Variants in CADPS2 observed in about 807,000 individuals in gnomAD.
CADPS2 encodes the protein calcium dependent secretion activator 2, also known as calcium-dependent secretion activator 2.
In CADPS2, 93 loss-of-function variants were observed where a neutral mutation model predicts 172.5. That is an observed-to-expected ratio of 0.54 (90% confidence interval 0.46 to 0.64). The LOEUF (loss-of-function observed/expected upper bound fraction) is 0.64. Ranked by LOEUF, CADPS2 falls within the 30% of genes least tolerant of loss-of-function variation. The pLI is 0.00. For synonymous variants in CADPS2, 546 were observed against 555.2 expected (o/e 0.98, Z 0.23); for missense variants, 1,420 against 1,565.9 (o/e 0.91, Z 1.57).
intron 25 of CADPS2, among the ~76,000 whole-genome samples, chr7:122,377,646 A>G (rs2042514355): frequency 6.6e-6 from 1 of 152,090 alleles, no homozygotes; most frequent in Non-Finnish European, 1.5e-5. Flanking sequence ...TGGTGATGCA[A>G]GCTGCTGTGC....
At chr7:122,572,261 T>C (rs1320377764) in intron 7 of CADPS2, among the ~76,000 whole-genome samples, 2 of 152,132 alleles carry the variant, frequency 1.3e-5, no homozygotes, top group Non-Finnish European at 2.9e-5. Context: ...TATAGGAGAC[T>C]TTTATATTTG....
At chr7:122,786,225 A>T (rs1373441532) in intron 1 of CADPS2, among the ~76,000 whole-genome samples, 1 of 152,196 alleles carries the variant, frequency 6.6e-6, no homozygotes, top group Non-Finnish European at 1.5e-5. Context: ...GCAAATTAGC[A>T]TCATCGGGAA....
intron 14 of CADPS2, among the ~76,000 whole-genome samples, chr7:122,470,435 T>C (rs970701186): frequency 1.2e-4 from 18 of 152,084 alleles, no homozygotes; most frequent in African/African-American, 4.1e-4. Flanking sequence ...ATTCATCAAA[T>C]ATGTATTGAG....
At chr7:122,356,484 T>G (rs894997748) in intron 27 of CADPS2, among the ~76,000 whole-genome samples, 2 of 152,168 alleles carry the variant, frequency 1.3e-5, no homozygotes, top group African/African-American at 4.8e-5. Context: ...CATTGGAAGT[T>G]TATTCTCCCC....
At chr7:122,401,373 G>A (rs534662421) in intron 20 of CADPS2, among the ~76,000 whole-genome samples, 82 of 152,284 alleles carry the variant, frequency 5.4e-4, no homozygotes, top group African/African-American at 1.8e-3. Context: ...CCAATAGAAT[G>A]GTCATTTGCC....
intron 6 of CADPS2, among the ~76,000 whole-genome samples, chr7:122,614,318 C>T (rs1231497552): frequency 2.6e-5 from 4 of 152,082 alleles, no homozygotes; most frequent in African/African-American, 4.8e-5. Context: ...ACACATAACC[C>T]TCTGTATCTC....
chr7:122,886,210 T>C lies in CADPS2; in HGVS notation c.128A>G (p.Asp43Gly), dbSNP rs1358011363. ...PPAPTREGRRDAPGRAGGGGA... is the reference protein window; with the variant it reads ...PPAPTREGRRGAPGRAGGGGA... ...GCCGCCGCCCGCGCGCCCCGGCGCG[T>C]CCCGCCGCCCTTCCCGAGTCGGGGC... The change falls in exon 1 of 30, where the codon GAC becomes GGC. Residue 43 changes from aspartate to glycine, a missense_variant. Asp to Gly is a moderately conservative substitution (Grantham distance 94). Coordinates refer to ENST00000449022, the MANE Select transcript of CADPS2 (RefSeq NM_017954.11). 3.4e-6 allele frequency: 5 copies of C among 1,471,688 alleles called. No individual in the cohort carries two copies. Among genetic ancestry groups the C allele is most frequent in the Non-Finnish European group, 4.5e-6 (5 of 1,121,468 alleles). 91.2% of individuals were successfully genotyped at this position (1,471,688 alleles called of 1,614,324 possible).
chr7:122,428,537 G>A (rs1016007018), intron 17 of CADPS2, among the ~76,000 whole-genome samples: 9 of 150,130 alleles, frequency 6.0e-5, no homozygotes, highest in African/African-American at 1.2e-4. Flanking sequence ...GCGCAATCAC[G>A]GCTCACTGCA....
intron 1 of CADPS2, among the ~76,000 whole-genome samples, chr7:122,804,944 A>T (rs1023132182): frequency 6.6e-6 from 1 of 152,204 alleles, no homozygotes; most frequent in African/African-American, 2.4e-5. Flanking sequence ...GGTAAATAGA[A>T]TTCTTATCTA....
At chr7:122,785,105 C>G (rs1490585287) in intron 1 of CADPS2, among the ~76,000 whole-genome samples, 1 of 152,128 alleles carries the variant, frequency 6.6e-6, no homozygotes, top group Non-Finnish European at 1.5e-5. Context: ...CAGCAGCTAC[C>G]CTTTTTCCCT....
intron 2 of CADPS2, among the ~76,000 whole-genome samples, chr7:122,712,588 A>T (rs2088923934): frequency 6.6e-6 from 1 of 152,206 alleles, no homozygotes. Context: ...CAAGGAACTG[A>T]CTTTCTGATA....
intron 3 of CADPS2, among the ~76,000 whole-genome samples, chr7:122,656,371 T>C (rs2079793879): frequency 6.6e-6 from 1 of 152,036 alleles, no homozygotes; most frequent in Admixed American, 6.6e-5. Context: ...TTATCCCAGG[T>C]GGAAGAAGAG....
At chr7:122,759,631 T>C (rs941313128) in intron 1 of CADPS2, among the ~76,000 whole-genome samples, 1 of 152,138 alleles carries the variant, frequency 6.6e-6, no homozygotes, top group Non-Finnish European at 1.5e-5. Context: ...ACATAGTCAT[T>C]ATACTGATTT....
chr7:122,372,561 A>T (rs977262181), intron 25 of CADPS2, among the ~76,000 whole-genome samples: 1 of 152,200 alleles, frequency 6.6e-6, no homozygotes, highest in African/African-American at 2.4e-5. Flanking sequence ...GAGGAGAGGT[A>T]AAAAGAAGAA....
At chr7:122,701,572 C>G (rs1588539634) in intron 2 of CADPS2, 1 of 210,388 alleles carries the variant, frequency 4.8e-6, no homozygotes, top group East Asian at 1.1e-4. Flanking sequence ...CCCATGTACC[C>G]TAAAACTTAA....
intron 18 of CADPS2, 56 bp from the exon 19 acceptor site, chr7:122,414,132 TACAAA>T: frequency 1.5e-6 from 2 of 1,370,388 alleles, no homozygotes; most frequent in African/African-American, 1.5e-5. Context: ...GCCATAGTGT[TACAAA>T]ACATCTTTAA....
intron 1 of CADPS2, among the ~76,000 whole-genome samples, chr7:122,846,543 T>C (rs1217382484): frequency 6.6e-6 from 1 of 152,188 alleles, no homozygotes; most frequent in Non-Finnish European, 1.5e-5. Context: ...AGATTCAGCA[T>C]TAAAATTAAT....
At chr7:122,680,977 T>C (rs893184536) in intron 2 of CADPS2, among the ~76,000 whole-genome samples, 2 of 151,324 alleles carry the variant, frequency 1.3e-5, no homozygotes, top group African/African-American at 4.8e-5. Context: ...ATGTCCTTTG[T>C]AGGGACATGG....
chr7:122,659,968 C>T (rs913679355), intron 3 of CADPS2, among the ~76,000 whole-genome samples: 3 of 152,126 alleles, frequency 2.0e-5, no homozygotes, highest in Admixed American at 2.0e-4. Context: ...TGAGAGACTG[C>T]ATCACCACTA....
Sources: allele counts gnomAD v4.1 joint callset (sites outside exome capture counted in the v4.1 genomes callset), GRCh38; gene constraint gnomAD v4.1.1; transcripts MANE v1.5; gene names NCBI Gene and HGNC (gene_info 2026-07-23, HGNC 2026-07-21).